Variants in TEDC2 observed in about 807,000 individuals in gnomAD.
TEDC2 encodes the protein tubulin epsilon and delta complex 2.
In TEDC2, 49 loss-of-function variants were observed where a neutral mutation model predicts 48.1. That is an observed-to-expected ratio of 1.02 (90% CI 0.81 to 1.29). TEDC2 has a LOEUF of 1.29. Among genes scored for constraint, TEDC2 ranks in the 50% most tolerant of loss-of-function variants. The pLI, the probability that TEDC2 is intolerant of heterozygous loss-of-function variation, is 0.00. For missense variants in TEDC2, 631 were observed against 571.4 expected (o/e 1.10, Z -1.06); for synonymous variants, 299 against 247.1 (o/e 1.21, Z -1.97).
At chr16:2,464,334 G>T (rs1249118628) in intron 9 of TEDC2, 105 bp downstream of exon 9, 1 of 1,432,520 alleles carries the variant, frequency 7.0e-7, no homozygotes, top group South Asian at 1.3e-5. Context: ...GAGGATGGGG[G>T]CAAGCCTGGG....
In TEDC2 at chr16:2,460,859, GA is replaced by G; in HGVS notation, c.241del (p.Thr81ProfsTer26). 6.2e-7 allele frequency: 1 copy of G among 1,613,390 alleles called. No individual in the cohort carries two copies. Among genetic ancestry groups the G allele is most frequent in the Non-Finnish European group, 8.5e-7 (1 of 1,179,956 alleles). ...AAGACCTCAAAGAGTTGGAGTTTCT[GA>G]CCCAGGCACTGGAGAAGGCTGTACG... ...PQDLKELEFL[T>X]QALEKAVRVR... On this transcript the variant is annotated frameshift_variant, in exon 4 of 10. Transcript: ENST00000361837. LOFTEE classifies it high-confidence loss of function.
At position 2,460,549 on chromosome 16, in the gene TEDC2, C is replaced by G. The variant is rs1377134512; in HGVS notation, c.126-74C>G. The G allele has an allele frequency of 2.5e-6, 4 of 1,577,464 alleles. No individual in the cohort carries two copies. The African/African-American group carries it at 5.5e-5, about 22-fold the overall frequency. On this transcript the variant is annotated intron_variant, in intron 2 of 9. Coordinates refer to ENST00000361837, the MANE Select transcript of TEDC2 (RefSeq NM_025108.3). ...CTGAGCTGGGGGCCTGCCGCGGGGCCCGGCGGCCCCCTCGGGTCTGTTTGG... is the reference window on the plus strand; with the variant it reads ...CTGAGCTGGGGGCCTGCCGCGGGGCGCGGCGGCCCCCTCGGGTCTGTTTGG...
Position 2,460,300 on chromosome 16 carries a change from A to G in TEDC2, c.44A>G (p.Gln15Arg), listed in dbSNP as rs750683166. 104 of 1,531,288 alleles carry G rather than the reference A, an allele frequency of 6.8e-5. No individual in the cohort carries two copies. The highest frequency in any genetic ancestry group is 8.2e-5 in the Non-Finnish European group (94 of 1,143,100). The allele number at this position is 1,531,288 out of a possible 1,614,324, so 94.9% of individuals were successfully genotyped here. ...GCSRRLVAEL[Q>R]GALDACAQRQ... is the part of the protein sequence containing the mutation. ...TCCCCCAGGCTGGTGGCCGAGCTGC[A>G]GGGCGCCCTGGACGCCTGCGCACAG... is the stretch of plus-strand genomic sequence containing the variant. The change falls in exon 2 of 10, where the codon CAG (glutamine) becomes CGG (arginine). Residue 15 changes from glutamine (Q) to arginine (R), a missense_variant. Gln to Arg is a conservative substitution (Grantham distance 43, BLOSUM62 1). Transcript: ENST00000361837.
At position 2,464,573 on chromosome 16, in the gene TEDC2, C is replaced by G; in HGVS notation, c.1207C>G (p.Pro403Ala). The change falls in exon 10 of 10, where the codon CCG becomes GCG. Residue 403 changes from proline to alanine, a missense_variant. Transcript: ENST00000361837. Reference sequence around the variant, plus strand: ...GGTAAGCGCTGCACAGCCGCAGGGGCCGCCCTGGCTGGCCCTGTGCCGGGC... The same window carrying G: ...GGTAAGCGCTGCACAGCCGCAGGGGGCGCCCTGGCTGGCCCTGTGCCGGGC... The part of the protein sequence containing the change: ...PLVSAAQPQG[P>A]PWLALCRAVH... 5.0e-6 allele frequency: 8 copies of G among 1,606,842 alleles called. No homozygotes were observed. The highest frequency in any genetic ancestry group is 6.8e-6 in the Non-Finnish European group (8 of 1,179,262).
rs1399166399 is a variant in TEDC2, at chr16:2,462,248, G to T, written c.750+9G>T. ...AGAACATGCAGACAGCTGTATCCTT[G>T]CTGGGCTTGTGGGAGCCCTGGGGGC... On this transcript the variant is annotated intron_variant, in intron 6 of 9. Transcript: ENST00000361837. The T allele has an allele frequency of 1.1e-5, 18 of 1,612,818 alleles. No homozygotes were observed. Among genetic ancestry groups the T allele is most frequent in the Non-Finnish European group, 1.5e-5 (18 of 1,179,968 alleles).
chr16:2,463,849 C>T lies in TEDC2; in HGVS notation c.965-190C>T, dbSNP rs767951706. The stretch of plus-strand genomic sequence containing the variant: ...AAGAAATTAGGCAGGCAGAGGGCCA[C>T]CCCACAGAGGACTCCCTGCCAGCAA... On this transcript the variant is annotated intron_variant, in intron 8 of 9. Coordinates refer to ENST00000361837, the MANE Select transcript of TEDC2 (RefSeq NM_025108.3). 392 of 602,426 alleles carry T rather than the reference C, an allele frequency of 6.5e-4. 3 individuals are homozygous for T. Among genetic ancestry groups the T allele is most frequent in the Non-Finnish European group, 1.0e-3 (356 of 348,356 alleles). 37.3% of individuals were successfully genotyped at this position (602,426 alleles called of 1,614,324 possible).
rs920963889 is a variant in TEDC2 at position 2,464,297 on chromosome 16, T to G, written c.1155+68T>G. On this transcript the variant is annotated intron_variant, in intron 9 of 9. Transcript: ENST00000361837. ...GCCTTGAGGACCCGAGGGTAGGGGC[T>G]TGACTGCTCCACCCCCCAGGACCCA... The G allele has an allele frequency of 1.9e-6, 3 of 1,540,900 alleles. 1 individual carries two copies. Among genetic ancestry groups the G allele is most frequent in the Middle Eastern group, 1.7e-4 (1 of 5,916 alleles).
Position 2,462,657 on chromosome 16 carries a change from C to A in TEDC2, c.889C>A (p.Arg297Ser), listed in dbSNP as rs770395227. Residue 297 changes from arginine to serine, a missense_variant, in exon 8 of 10, where the codon CGC becomes AGC. Arg to Ser is a moderately radical substitution (Grantham distance 110, BLOSUM62 -1). Coordinates refer to ENST00000361837, the MANE Select transcript of TEDC2 (RefSeq NM_025108.3). ...CCCCATGGACTGGATGCAGGAGTAC[C>A]GCTGCCTGCTCACGCTGGAGGGGCT... ...AAPMDWMQEY[R>S]CLLTLEGLQA... 2.6e-6 allele frequency: 4 copies of A among 1,548,186 alleles called. No homozygotes were observed. In the South Asian group the frequency reaches 4.8e-5, roughly 18 times the overall value.
At chr16:2,462,123 C>T in intron 5 of TEDC2, 26 bp from the exon 6 acceptor site, 1 of 1,604,896 alleles carries the variant, frequency 6.2e-7, no homozygotes, top group Non-Finnish European at 8.5e-7. Context: ...TGTGGTTCCT[C>T]TGTGCACCCC....
At chr16:2,464,013 A>G (rs375499936) in intron 8 of TEDC2, 26 bp from the exon 9 acceptor site, 1 of 1,591,354 alleles carries the variant, frequency 6.3e-7, no homozygotes. Context: ...TGCTACCCCA[A>G]AGGCCACATT....
Position 2,460,924 on chromosome 16 carries a change from AG to A in TEDC2, c.307del (p.Ala103ProfsTer4). ...ATCACTAAGGCCGGAGAGAGAGACAAGGCCCCCAGCCTGAAATCTAGGTCCA... is the reference window on the plus strand; with the variant it reads ...ATCACTAAGGCCGGAGAGAGAGACAAGCCCCCAGCCTGAAATCTAGGTCCA... ...RGITKAGERD[K>X]APSLKSRSIV... On this transcript the variant is annotated frameshift_variant, in exon 4 of 10. Coordinates refer to ENST00000361837, the MANE Select transcript of TEDC2 (RefSeq NM_025108.3). LOFTEE classifies it high-confidence loss of function. 1.2e-6 allele frequency: 2 copies of A among 1,613,560 alleles called. No individual in the cohort carries two copies. Among genetic ancestry groups the A allele is most frequent in the South Asian group, 1.1e-5 (1 of 91,084 alleles).
At position 2,464,865 on chromosome 16, in the gene TEDC2, C is replaced by A; in HGVS notation, c.*197C>A. 1 of 693,612 alleles carries A rather than the reference C, an allele frequency of 1.4e-6. No homozygotes were observed. The highest frequency in any genetic ancestry group is 2.3e-6 in the Non-Finnish European group (1 of 428,452). The allele number at this position is 693,612 out of a possible 1,614,324, so 43.0% of individuals were successfully genotyped here. On this transcript the variant is annotated 3_prime_UTR_variant, in exon 10 of 10. Coordinates refer to ENST00000361837, the MANE Select transcript of TEDC2 (RefSeq NM_025108.3). ...TTTCAGCCTTCCTAAGGCTCCTGGA[C>A]TCCAGAGGCCAGCGGGGAGCCTTTC...
chr16:2,462,503 G>C lies in TEDC2; in HGVS notation c.839G>C (p.Arg280Pro), dbSNP rs11552287. The stretch of plus-strand genomic sequence containing the variant: ...AAGGCCTGCTCGCTGCTGAGACTGC[G>C]CATGAGGGAGGAGCTCTCGGCAGGT... ...LRKACSLLRLRMREELSAAPM... is the reference protein window; with the variant it reads ...LRKACSLLRLPMREELSAAPM... The change falls in exon 7 of 10, where the codon CGC becomes CCC. Residue 280 changes from arginine (R) to proline (P), a missense_variant. Physicochemically the swap from Arg to Pro is moderately radical, Grantham distance 103. Coordinates refer to ENST00000361837, the MANE Select transcript of TEDC2 (RefSeq NM_025108.3). 5.0e-6 allele frequency: 8 copies of C among 1,606,072 alleles called. No homozygotes were observed. The highest frequency in any genetic ancestry group is 1.1e-5 in the South Asian group (1 of 90,378).
In TEDC2 at chr16:2,464,596, G is replaced by A. The variant is rs1368182515; in HGVS notation, c.1230G>A (p.Arg410=). ...PQGPPWLALC[R]AVHSLLCEGG... ...GGCCGCCCTGGCTGGCCCTGTGCCG[G>A]GCTGTGCACAGCCTGCTCTGCGAGG... The change falls in exon 10 of 10, where the codon CGG becomes CGA. Residue 410 remains arginine (R), a synonymous_variant. Transcript: ENST00000361837. 1 of 1,611,068 alleles carries A rather than the reference G, an allele frequency of 6.2e-7. No individual in the cohort carries two copies. The highest frequency in any genetic ancestry group is 8.5e-7 in the Non-Finnish European group (1 of 1,179,894).
chr16:2,461,479 C>A, intron 4 of TEDC2: 2 of 646,198 alleles, frequency 3.1e-6, no homozygotes, highest in Non-Finnish European at 5.1e-6. Flanking sequence ...TTGCCCAGGC[C>A]AGAGGCTCCA....
intron 1 of TEDC2, 47 bp downstream of exon 1, chr16:2,460,217 G>T: frequency 6.9e-7 from 1 of 1,450,800 alleles, no homozygotes; most frequent in Non-Finnish European, 9.0e-7. Flanking sequence ...GGGCGGGCCG[G>T]TAGCCAGGCG....
chr16:2,464,201 T>C lies in TEDC2; in HGVS notation c.1127T>C (p.Val376Ala), dbSNP rs199551012. The C allele has an allele frequency of 1.9e-6, 3 of 1,611,692 alleles. No individual in the cohort carries two copies. The highest frequency in any genetic ancestry group is 2.7e-5 in the African/African-American group (2 of 74,888). The part of the protein sequence containing the change: ...TLAALKLRVA[V>A]LDQQIHLEKV... ...GCGGCCCTCAAGCTGCGAGTGGCTG[T>C]GCTGGACCAGCAGATCCACTTGGAA... The change falls in exon 9 of 10, where the codon GTG (valine) becomes GCG (alanine). Residue 376 changes from valine (V) to alanine (A), a missense_variant. Val to Ala is a moderately conservative substitution (Grantham distance 64). Transcript: ENST00000361837.
At position 2,462,497 on chromosome 16, in the gene TEDC2, G is replaced by A. The variant is rs1350169604; in HGVS notation, c.833G>A (p.Arg278Lys). The change falls in exon 7 of 10, where the codon AGA becomes AAA. Residue 278 changes from arginine to lysine, a missense_variant. By Grantham distance (26) the Arg-to-Lys change is conservative. Transcript: ENST00000361837. Reference protein sequence around the residue: ...GRLRKACSLLRLRMREELSAA... With the variant: ...GRLRKACSLLKLRMREELSAA... Reference sequence around the variant, plus strand: ...CTGCGGAAGGCCTGCTCGCTGCTGAGACTGCGCATGAGGGAGGAGCTCTCG... The same window carrying A: ...CTGCGGAAGGCCTGCTCGCTGCTGAAACTGCGCATGAGGGAGGAGCTCTCG... The A allele has an allele frequency of 1.2e-6, 2 of 1,607,870 alleles. No homozygotes were observed. The highest frequency in any genetic ancestry group is 1.7e-6 in the Non-Finnish European group (2 of 1,177,672).
chr16:2,462,324 C>T (rs907032976), intron 6 of TEDC2, 85 bp downstream of exon 6: 31 of 1,596,554 alleles, frequency 1.9e-5, no homozygotes, highest in African/African-American at 1.6e-4. Context: ...GAGGGGCTGG[C>T]GTGGGATGGC....
Sources: gnomAD v4.1 joint callset for allele counts on GRCh38, gnomAD v4.1.1 for gene constraint, MANE v1.5 for transcripts, NCBI Gene and HGNC (gene_info 2026-07-23, HGNC 2026-07-21) for gene names.